The following PKD2 variants were observed in gnomAD, a reference collection of about 807,000 sequenced individuals.
PKD2 encodes polycystin 2, transient receptor potential cation channel, also known as polycystin-2.
In PKD2, 48 loss-of-function variants were observed where a neutral mutation model predicts 105.9. That is an observed-to-expected ratio of 0.45 (90% CI 0.36 to 0.58). The LOEUF (loss-of-function observed/expected upper bound fraction) is 0.58, where lower values mean the gene tolerates loss of function less well. PKD2 is among the 20% of genes least tolerant of loss of function. The pLI is 0.00. For synonymous variants in PKD2, 464 were observed against 481.1 expected, an observed-to-expected ratio of 0.96 and a Z score of 0.46; for missense variants, 1,078 against 1,255.3, an observed-to-expected ratio of 0.86 and a Z score of 2.13.
intron 2 of PKD2, among the ~76,000 whole-genome samples, chr4:88,023,195 G>A (rs1726824496): frequency 6.6e-6 from 1 of 152,202 alleles, no homozygotes; most frequent in African/African-American, 2.4e-5. Context: ...GGGAAGCATA[G>A]CTCCAGCATC....
At chr4:88,035,664 C>A (rs1022602321) in intron 2 of PKD2, among the ~76,000 whole-genome samples, 6 of 152,148 alleles carry the variant, frequency 3.9e-5, no homozygotes, top group African/African-American at 1.4e-4. Flanking sequence ...ACCTCGGTAT[C>A]CCCAAAGGGC....
At chr4:88,013,262 ACATT>A (rs1015361336) in intron 1 of PKD2, among the ~76,000 whole-genome samples, 26 of 152,300 alleles carry the variant, frequency 1.7e-4, no homozygotes, top group Admixed American at 8.5e-4. Flanking sequence ...GCAGTAAAAA[ACATT>A]CATGGGACTT....
intron 1 of PKD2, among the ~76,000 whole-genome samples, chr4:88,018,453 G>A (rs1467847226): frequency 6.6e-6 from 1 of 152,182 alleles, no homozygotes; most frequent in Admixed American, 6.5e-5. Flanking sequence ...GTTAAGGTCT[G>A]TGGAATCAAA....
At chr4:88,032,443 C>G (rs768863155) in intron 2 of PKD2, among the ~76,000 whole-genome samples, 1 of 152,114 alleles carries the variant, frequency 6.6e-6, no homozygotes, top group African/African-American at 2.4e-5. Flanking sequence ...GTGGGCAGAT[C>G]GTTTGAGCCC....
chr4:88,020,772 C>T (rs192700812), intron 2 of PKD2, among the ~76,000 whole-genome samples: 1 of 151,812 alleles, frequency 6.6e-6, no homozygotes, highest in East Asian at 1.9e-4. Flanking sequence ...TCACTGCAGC[C>T]TCGAGCTCCT....
intron 4 of PKD2, among the ~76,000 whole-genome samples, chr4:88,041,391 C>A (rs887636763): frequency 6.6e-6 from 1 of 152,108 alleles, no homozygotes; most frequent in Non-Finnish European, 1.5e-5. Flanking sequence ...AAGACCACCC[C>A]CAGGTTCAGT....
rs759263638 is a variant in PKD2 at position 88,007,836 on chromosome 4, G to A, written c.103G>A (p.Ala35Thr). ...GGGCCGGCTGATGGCTGGCTGCGCG[G>A]CCGTGGGCGCCAGCCTCGCCGCCCC... is the stretch of plus-strand genomic sequence containing the variant. ...DPGRLMAGCA[A>T]VGASLAAPGG... Residue 35 changes from alanine to threonine, a missense_variant, in exon 1 of 15, where the codon GCC becomes ACC. Around this residue, in one of 2 missense-constraint regions of PKD2, gnomAD observed 210 missense variants for 187.9 expected, o/e 1.12. Coordinates refer to ENST00000237596, the MANE Select transcript of PKD2 (RefSeq NM_000297.4). The A allele has an allele frequency of 7.2e-5, 86 of 1,200,864 alleles. No homozygotes were observed. Among genetic ancestry groups the A allele is most frequent in the Middle Eastern group, 6.7e-4 (2 of 3,004 alleles). 74.4% of individuals were successfully genotyped at this position (1,200,864 alleles called of 1,614,324 possible).
chr4:88,030,922 C>A (rs1727122996), intron 2 of PKD2, among the ~76,000 whole-genome samples: 2 of 152,218 alleles, frequency 1.3e-5, no homozygotes, highest in East Asian at 3.8e-4. Context: ...TCAGTTCAAG[C>A]CTAATAATTC....
chr4:88,055,251 A>G (rs1720279453), intron 7 of PKD2, among the ~76,000 whole-genome samples: 1 of 152,230 alleles, frequency 6.6e-6, no homozygotes, highest in South Asian at 2.1e-4. Context: ...CAATGTACAT[A>G]AAGCCCTCCA....
Position 88,054,817 on chromosome 4 carries a change from G to T in PKD2, c.1717-1269G>T, listed in dbSNP as rs544951435. Among the ~76,000 whole-genome samples, 772 of 151,904 alleles carry T rather than the reference G, an allele frequency of 5.1e-3. 5 individuals are homozygous for T. Among genetic ancestry groups the T allele is most frequent in the Non-Finnish European group, 8.0e-3 (541 of 67,932 alleles). Reference sequence around the variant, plus strand: ...CTACAGGCGGCTGCCACCACGCCCGGCTAATTTTTTATATTTTTAGTAGAG... The same window carrying T: ...CTACAGGCGGCTGCCACCACGCCCGTCTAATTTTTTATATTTTTAGTAGAG... On this transcript the variant is annotated intron_variant, in intron 7 of 14. Transcript: ENST00000237596.
intron 2 of PKD2, among the ~76,000 whole-genome samples, chr4:88,034,296 A>C (rs541142712): frequency 6.6e-6 from 1 of 152,236 alleles, no homozygotes; most frequent in South Asian, 2.1e-4. Flanking sequence ...GCTTGAGATG[A>C]ACCCCCAAAC....
chr4:88,011,076 T>C lies in PKD2; in HGVS notation c.595+2748T>C, dbSNP rs567595136. Among the ~76,000 whole-genome samples the C allele has an allele frequency of 2.0e-5, 3 of 152,242 alleles. No individual in the cohort carries two copies. In the South Asian group the frequency reaches 6.2e-4, roughly 32 times the overall value. On this transcript the variant is annotated intron_variant, in intron 1 of 14. Transcript: ENST00000237596. ...AAGAAGACCTGTGGGAGGCAGCCAG[T>C]AAGGAGGTGAAGAGGGCCTGGACCA...
At chr4:88,071,079 A>T (rs1351220162) in intron 13 of PKD2, among the ~76,000 whole-genome samples, 2 of 151,068 alleles carry the variant, frequency 1.3e-5, no homozygotes, top group Non-Finnish European at 2.9e-5. Flanking sequence ...TTTAAGAGAT[A>T]GGGTCTCTCT....
In PKD2 at chr4:88,056,094, A is replaced by G. The variant is rs370049694; in HGVS notation, c.1725A>G (p.Lys575=). 1.2e-5 allele frequency: 19 copies of G among 1,610,188 alleles called. No homozygotes were observed. Among genetic ancestry groups the G allele is most frequent in the Non-Finnish European group, 1.6e-5 (19 of 1,176,656 alleles). The change falls in exon 8 of 15, where the codon AAA becomes AAG. Residue 575 remains lysine (K), a synonymous_variant. Transcript: ENST00000237596. The stretch of plus-strand genomic sequence containing the variant: ...TCTTCTCTCTCTTACAGCTCTTCAA[A>G]TTCATCAATTTTAACAGGACCATGA... ...TVFFVWIKLF[K]FINFNRTMSQ... is the part of the protein sequence containing the mutation.
chr4:88,032,881 G>A (rs1170981192), intron 2 of PKD2, among the ~76,000 whole-genome samples: 1 of 152,202 alleles, frequency 6.6e-6, no homozygotes, highest in Non-Finnish European at 1.5e-5. Flanking sequence ...GCTTAGAGGA[G>A]TTAAATAGTT....
At chr4:88,011,754 A>G (rs1019784556) in intron 1 of PKD2, among the ~76,000 whole-genome samples, 15 of 152,322 alleles carry the variant, frequency 9.8e-5, no homozygotes, top group Non-Finnish European at 1.2e-4. Context: ...AGAAACTGCA[A>G]ACATCCAACT....
chr4:88,023,420 A>T (rs1483360244), intron 2 of PKD2, among the ~76,000 whole-genome samples: 1 of 152,174 alleles, frequency 6.6e-6, no homozygotes, highest in Non-Finnish European at 1.5e-5. Context: ...CACCCCCATG[A>T]TCTGATCACC....
intron 4 of PKD2, 81 bp from the exon 5 acceptor site, chr4:88,043,152 C>T: frequency 2.2e-6 from 2 of 895,854 alleles, no homozygotes; most frequent in East Asian, 2.5e-5. Context: ...CTTTATTTTA[C>T]AAGGAACCAG....
intron 1 of PKD2, 66 bp downstream of exon 1, chr4:88,008,394 C>T (rs1174886863): frequency 6.8e-6 from 10 of 1,461,358 alleles, no homozygotes; most frequent in East Asian, 5.4e-5. Context: ...CCGGGGCCAT[C>T]GCCCGCTGCG....
Sources: allele counts gnomAD v4.1 joint callset (sites outside exome capture counted in the v4.1 genomes callset), GRCh38; gene constraint gnomAD v4.1.1; regional missense constraint gnomAD v4.1.1; transcripts MANE v1.5; gene names NCBI Gene and HGNC (gene_info 2026-07-23, HGNC 2026-07-21).